The following TMEM268 variants were observed in gnomAD, a reference collection of about 807,000 sequenced individuals.
The protein encoded by TMEM268 is transmembrane protein 268.
Under a neutral mutation model 39.1 loss-of-function variants are expected in TMEM268, and 24 were observed. The ratio of observed to expected loss-of-function variants is 0.61; its 90% CI spans 0.44 to 0.86. The LOEUF (loss-of-function observed/expected upper bound fraction) is 0.86. TMEM268 is among the 40% of genes least tolerant of loss of function. The pLI, the probability that TMEM268 is intolerant of heterozygous loss-of-function variation, is 0.00. For missense variants in TMEM268, 409 were observed against 428.6 expected, an observed-to-expected ratio of 0.95 and a Z score of 0.40; for synonymous variants, 176 against 173.5, an observed-to-expected ratio of 1.01 and a Z score of -0.12.
At position 114,644,415 on chromosome 9, in the gene TMEM268, G is replaced by A. The variant is rs1827488278; in HGVS notation, c.*1102G>A. ...CTTCTTTAGGAAGCCTTCCCACACA[G>A]CCAACCCTGCTGCTCTCTGCCTCCT... On this transcript the variant is annotated 3_prime_UTR_variant, in exon 9 of 9. Coordinates refer to ENST00000288502, the MANE Select transcript of TMEM268 (RefSeq NM_153045.4). The A allele has an allele frequency of 6.6e-6, 1 of 152,360 alleles. No homozygotes were observed. Among genetic ancestry groups the A allele is most frequent in the Admixed American group, 6.5e-5 (1 of 15,272 alleles). The allele number at this position is 152,360 out of a possible 1,614,324, so 9.4% of individuals were successfully genotyped here. A position where few individuals can be genotyped will look rare whatever the true frequency, so the allele number is the denominator to read the frequency against.
At chr9:114,632,798 A>G (rs746756813) in intron 5 of TMEM268, among the ~76,000 whole-genome samples, 1 of 152,162 alleles carries the variant, frequency 6.6e-6, no homozygotes, top group Non-Finnish European at 1.5e-5. Flanking sequence ...CTTTACACAC[A>G]ATCTCAGTGA....
At chr9:114,627,142 A>G (rs1429601674) in intron 4 of TMEM268, 136 bp downstream of exon 4, 7 of 598,700 alleles carry the variant, frequency 1.2e-5, no homozygotes, top group Middle Eastern at 5.4e-4. Context: ...GGAAACGAGC[A>G]GTACATATGG....
chr9:114,628,047 G>A lies in TMEM268; in HGVS notation c.325-54G>A, dbSNP rs555893728. ...GAAAGGTGTCCCTTTGAATGGAGCT[G>A]CTTTATGCAAGGACTGAAGTTCCTG... On this transcript the variant is annotated intron_variant, in intron 4 of 8. Transcript: ENST00000288502. 1.9e-6 allele frequency: 3 copies of A among 1,600,354 alleles called. No homozygotes were observed. In the African/African-American group the frequency reaches 4.0e-5, roughly 21 times the overall value.
At chr9:114,607,789 G>A (rs1845386363), upstream of TMEM268, among the ~76,000 whole-genome samples, 1 of 152,162 alleles carries the variant, frequency 6.6e-6, no homozygotes, top group African/African-American at 2.4e-5. Context: ...GCTGAAACCC[G>A]AGAATGAGTT....
intron 3 of TMEM268, 71 bp downstream of exon 3, chr9:114,624,530 G>C (rs1225640349): frequency 6.6e-7 from 1 of 1,525,942 alleles, no homozygotes; most frequent in African/African-American, 1.4e-5. Context: ...TTTTCATCCA[G>C]TTTTTCACAA....
chr9:114,638,349 G>A (rs1290817231), intron 7 of TMEM268, among the ~76,000 whole-genome samples, 195 bp from the exon 8 acceptor site: 1 of 152,154 alleles, frequency 6.6e-6, no homozygotes, highest in Admixed American at 6.6e-5. Context: ...GTTATAAAAG[G>A]AAAAATATTT....
At chr9:114,624,601 G>A (rs41310083) in intron 3 of TMEM268, 142 bp downstream of exon 3, 1 of 1,343,018 alleles carries the variant, frequency 7.4e-7, no homozygotes, top group Non-Finnish European at 9.8e-7. Context: ...TATATTAGAA[G>A]TGCCCTCTCT....
chr9:114,606,123 A>G, the TMEM268 span, among the ~76,000 whole-genome samples: 1 of 152,036 alleles, frequency 6.6e-6, no homozygotes. Flanking sequence ...AAAAAAGCCC[A>G]ATTGCCTTCA....
intron 6 of TMEM268, among the ~76,000 whole-genome samples, chr9:114,636,129 A>G (rs976048595): frequency 2.6e-5 from 4 of 152,188 alleles, no homozygotes; most frequent in African/African-American, 4.8e-5. Flanking sequence ...AACTTCAATT[A>G]GGATGTGTGG....
At position 114,645,294 on chromosome 9, in the gene TMEM268, C is replaced by G. The variant is rs919511324; in HGVS notation, c.*1981C>G. 6.6e-6 allele frequency: 1 copy of G among 152,358 alleles called. No homozygotes were observed. The highest frequency in any genetic ancestry group is 1.5e-5 in the Non-Finnish European group (1 of 68,048). The allele number at this position is 152,358 out of a possible 1,614,324, so 9.4% of individuals were successfully genotyped here. The stretch of plus-strand genomic sequence containing the variant: ...ACCTAGCAGACCTGGATTTTTCTTC[C>G]TGATCTGCTGCTTCCAAGTTGTGTG... On this transcript the variant is annotated 3_prime_UTR_variant, in exon 9 of 9. Coordinates refer to ENST00000288502, the MANE Select transcript of TMEM268 (RefSeq NM_153045.4).
At chr9:114,608,533 C>G (rs12554436), upstream of TMEM268, among the ~76,000 whole-genome samples, 1 of 152,168 alleles carries the variant, frequency 6.6e-6, no homozygotes. Flanking sequence ...GGGACCACAT[C>G]TGGCTTCATG....
At chr9:114,613,934 A>G (rs887434669) in intron 1 of TMEM268, among the ~76,000 whole-genome samples, 3 of 152,074 alleles carry the variant, frequency 2.0e-5, no homozygotes, top group Admixed American at 1.3e-4. Context: ...GTCACTTTAC[A>G]TCTTTGACCT....
In TMEM268 at chr9:114,638,654, C is replaced by CA; in HGVS notation, c.779dup (p.Asn260LysfsTer5). ...TGGAGGATGCTCCTCTCCTGCCCGG[C>CA]AATTCTTGTCCTAACGAGAGGCCAC... is the stretch of plus-strand genomic sequence containing the variant. On this transcript the variant is annotated frameshift_variant, in exon 8 of 9. Coordinates refer to ENST00000288502, the MANE Select transcript of TMEM268 (RefSeq NM_153045.4). LOFTEE classifies it high-confidence loss of function. 1.9e-6 allele frequency: 3 copies of CA among 1,609,718 alleles called. No individual in the cohort carries two copies. The highest frequency in any genetic ancestry group is 2.5e-6 in the Non-Finnish European group (3 of 1,178,218).
intron 2 of TMEM268, among the ~76,000 whole-genome samples, chr9:114,621,035 A>C (rs79199033): frequency 0.012 from 1,861 of 152,250 alleles, 68 homozygotes; most frequent in East Asian, 0.099. Flanking sequence ...ATCCCAGGGT[A>C]TGAAAAAAGA....
chr9:114,612,236 C>T lies in TMEM268; in HGVS notation c.-79+672C>T, dbSNP rs146696970. The stretch of plus-strand genomic sequence containing the variant: ...GTGTCTGCAGAGCTGGGGGCCTTTG[C>T]GCAATAGGACTTAAGAGTATGTTCC... On this transcript the variant is annotated intron_variant, in intron 1 of 8. Coordinates refer to ENST00000288502, the MANE Select transcript of TMEM268 (RefSeq NM_153045.4). 5.5e-3 allele frequency among the ~76,000 whole-genome samples: 838 copies of T among 152,238 alleles called. 8 individuals are homozygous for T. The highest frequency in any genetic ancestry group is 0.019 in the African/African-American group (784 of 41,542).
rs148102211 is a variant in TMEM268 at position 114,619,770 on chromosome 9, G to A, written c.106+2469G>A. ...ATGCTGATGGTACCAAGCTTCGGGG[G>A]CTCTTGGAGGATGAAATGAAATCAT... On this transcript the variant is annotated intron_variant, in intron 2 of 8. Transcript: ENST00000288502. Among the ~76,000 whole-genome samples, 23 of 152,246 alleles carry A rather than the reference G, an allele frequency of 1.5e-4. No homozygotes were observed. The East Asian group carries it at 3.5e-3, about 23-fold the overall frequency.
chr9:114,623,093 A>AC (rs879806498), intron 2 of TMEM268, among the ~76,000 whole-genome samples: 108 of 150,134 alleles, frequency 7.2e-4, no homozygotes, highest in Non-Finnish European at 1.2e-3. Flanking sequence ...CTGTCTCCAA[A>AC]AAACAACAAC....
At chr9:114,637,094 CAA>C in intron 7 of TMEM268, 24 bp downstream of exon 7, 3 of 1,526,252 alleles carry the variant, frequency 2.0e-6, no homozygotes, top group Non-Finnish European at 1.8e-6. Context: ...AGTGAAAAAA[CAA>C]AACAAAAACC....
intron 5 of TMEM268, among the ~76,000 whole-genome samples, chr9:114,628,708 A>AT (rs1425454262): frequency 1.3e-5 from 2 of 152,054 alleles, no homozygotes; most frequent in African/African-American, 4.8e-5. Flanking sequence ...ATTGACAGTC[A>AT]TGTCTCTAAT....
Sources: allele counts gnomAD v4.1 joint callset (sites outside exome capture counted in the v4.1 genomes callset), GRCh38; gene constraint gnomAD v4.1.1; transcripts MANE v1.5; gene names NCBI Gene and HGNC (gene_info 2026-07-23, HGNC 2026-07-21).